Variants in ERBB4 observed in about 807,000 individuals in gnomAD.
ERBB4 encodes the protein receptor tyrosine-protein kinase erbB-4.
ERBB4 carries 42 observed loss-of-function variants against 158.0 expected under a neutral mutation model. The observed-to-expected ratio is 0.27, with a 90% CI of 0.21 to 0.34. The LOEUF (loss-of-function observed/expected upper bound fraction) is 0.34. Ranked by LOEUF, ERBB4 falls within the 10% of genes least tolerant of loss-of-function variation. The probability of loss-of-function intolerance (pLI) is 1.00; values close to 1 mark genes in which losing one functional copy is unlikely to be tolerated. For synonymous variants in ERBB4, 583 were observed against 558.7 expected (o/e 1.04, Z -0.61); for missense variants, 1,333 against 1,624.1 (o/e 0.82, Z 3.08).
chr2:211,394,163 C>CTGCT (rs1187564708), intron 25 of ERBB4, among the ~76,000 whole-genome samples: 1 of 151,680 alleles, frequency 6.6e-6, no homozygotes, highest in Non-Finnish European at 1.5e-5. Context: ...CTTTAAGTTG[C>CTGCT]TGCTTTGAGC....
At chr2:212,183,310 T>A (rs987118630) in intron 1 of ERBB4, among the ~76,000 whole-genome samples, 1 of 152,120 alleles carries the variant, frequency 6.6e-6, no homozygotes, top group African/African-American at 2.4e-5. Context: ...ATGGATTTTA[T>A]ATGCTAATGC....
At chr2:211,760,568 A>G (rs2075384848) in intron 4 of ERBB4, among the ~76,000 whole-genome samples, 1 of 152,252 alleles carries the variant, frequency 6.6e-6, no homozygotes, top group Admixed American at 6.5e-5. Context: ...GTAAGTATCA[A>G]CAGATATGTA....
rs376795225 is a variant in ERBB4, at chr2:212,115,118, T to C, written c.234+9634A>G. Among the ~76,000 whole-genome samples the C allele has an allele frequency of 1.1e-4, 17 of 152,300 alleles. No homozygotes were observed. The South Asian group carries it at 3.3e-3, about 30-fold the overall frequency. ...CCTTTGTTTACTAAAATACCTTAAT[T>C]TTACCACATTCATTATAAATTTTAC... is the stretch of plus-strand genomic sequence containing the variant. On this transcript the variant is annotated intron_variant, in intron 2 of 27. Coordinates refer to ENST00000342788, the MANE Select transcript of ERBB4 (RefSeq NM_005235.3).
chr2:212,067,411 T>A (rs1466972940), intron 2 of ERBB4, among the ~76,000 whole-genome samples: 3 of 151,994 alleles, frequency 2.0e-5, no homozygotes, highest in Non-Finnish European at 4.4e-5. Context: ...GTAGACTTAT[T>A]CACTGTTTTT....
intron 2 of ERBB4, among the ~76,000 whole-genome samples, chr2:212,062,803 T>C (rs943275683): frequency 6.6e-6 from 1 of 152,142 alleles, no homozygotes; most frequent in African/African-American, 2.4e-5. Context: ...GAAAAGGACA[T>C]AATGAACACA....
chr2:211,477,126 T>C (rs982876017), intron 20 of ERBB4, among the ~76,000 whole-genome samples: 39 of 152,002 alleles, frequency 2.6e-4, no homozygotes, highest in Admixed American at 2.2e-3. Flanking sequence ...ATTTAAGCAG[T>C]TAAAACATTA....
chr2:212,475,126 A>G (rs961596006), intron 1 of ERBB4, among the ~76,000 whole-genome samples: 18 of 151,932 alleles, frequency 1.2e-4, no homozygotes, highest in Admixed American at 1.2e-3. Flanking sequence ...ACAAATCTCA[A>G]TTCTTCTTTC....
At chr2:211,748,814 C>CT (rs1469451321) in intron 5 of ERBB4, among the ~76,000 whole-genome samples, 1 of 152,186 alleles carries the variant, frequency 6.6e-6, no homozygotes. Context: ...CTTTCACAGT[C>CT]TCTTTGGTTA....
intron 5 of ERBB4, among the ~76,000 whole-genome samples, chr2:211,732,166 G>T (rs1433284165): frequency 6.6e-6 from 1 of 151,994 alleles, no homozygotes; most frequent in South Asian, 2.1e-4. Flanking sequence ...AAACTAGAAC[G>T]CTCTTTCCTA....
intron 19 of ERBB4, among the ~76,000 whole-genome samples, chr2:211,606,858 A>G (rs1274785237): frequency 6.6e-6 from 1 of 152,142 alleles, no homozygotes; most frequent in Non-Finnish European, 1.5e-5. Flanking sequence ...CACTGGGTGC[A>G]TTGTTTTAAT....
At chr2:211,933,310 G>A (rs939068378) in intron 3 of ERBB4, among the ~76,000 whole-genome samples, 6 of 152,034 alleles carry the variant, frequency 3.9e-5, no homozygotes, top group African/African-American at 1.2e-4. Context: ...GACACAGGCT[G>A]CTTCCTTCCA....
intron 1 of ERBB4, among the ~76,000 whole-genome samples, chr2:212,374,745 C>T (rs370645683): frequency 6.6e-6 from 1 of 151,912 alleles, no homozygotes; most frequent in East Asian, 1.9e-4. Context: ...TTGTCCTCGG[C>T]TTTGGAAACT....
intron 1 of ERBB4, among the ~76,000 whole-genome samples, chr2:212,530,438 A>G (rs1692690748): frequency 6.6e-6 from 1 of 152,154 alleles, no homozygotes; most frequent in Non-Finnish European, 1.5e-5. Flanking sequence ...GCCTACAGAG[A>G]AGGACAGGAA....
chr2:211,977,693 C>T (rs1308545075), intron 2 of ERBB4, among the ~76,000 whole-genome samples: 2 of 151,146 alleles, frequency 1.3e-5, no homozygotes, highest in African/African-American at 4.9e-5. Context: ...AAAAAATTAG[C>T]TGGGCGTGGT....
At chr2:212,053,624 T>C (rs1265365587) in intron 2 of ERBB4, among the ~76,000 whole-genome samples, 1 of 152,182 alleles carries the variant, frequency 6.6e-6, no homozygotes, top group East Asian at 1.9e-4. Context: ...GTTCTTGGAA[T>C]AGAAACAGAC....
rs529897257 is a variant in ERBB4 at position 212,355,642 on chromosome 2, C to T, written c.82+182807G>A. On this transcript the variant is annotated intron_variant, in intron 1 of 27. Coordinates refer to ENST00000342788, the MANE Select transcript of ERBB4 (RefSeq NM_005235.3). The stretch of plus-strand genomic sequence containing the variant: ...CATTTTAAAACCTTGCATATCATTG[C>T]AATATGCTCATAAATAAACAGGTAG... Among the ~76,000 whole-genome samples the T allele has an allele frequency of 5.9e-5, 9 of 152,050 alleles. No homozygotes were observed. In the South Asian group the frequency reaches 1.7e-3, roughly 28 times the overall value.
At chr2:212,055,136 G>A (rs1233850825) in intron 2 of ERBB4, among the ~76,000 whole-genome samples, 1 of 152,162 alleles carries the variant, frequency 6.6e-6, no homozygotes, top group Non-Finnish European at 1.5e-5. Flanking sequence ...TTAGCAAATG[G>A]CACACCAGGT....
Position 211,632,525 on chromosome 2 carries a change from C to T in ERBB4, c.1947-1931G>A, listed in dbSNP as rs989013600. Among the ~76,000 whole-genome samples the T allele has an allele frequency of 4.6e-5, 7 of 151,914 alleles. No individual in the cohort carries two copies. The East Asian group carries it at 1.4e-3, about 29-fold the overall frequency. On this transcript the variant is annotated intron_variant, in intron 16 of 27. Coordinates refer to ENST00000342788, the MANE Select transcript of ERBB4 (RefSeq NM_005235.3). ...AAACTTTCTCTGCTTATTTATTTTG[C>T]AAAATAATAGGTGGTATACATATTT...
chr2:211,940,056 C>T (rs1273663602), intron 3 of ERBB4, among the ~76,000 whole-genome samples: 3 of 151,818 alleles, frequency 2.0e-5, no homozygotes, highest in Non-Finnish European at 4.4e-5. Context: ...CCTACTGTTT[C>T]CAGTCCTCTG....
Sources: allele counts gnomAD v4.1 joint callset (sites outside exome capture counted in the v4.1 genomes callset), GRCh38; gene constraint gnomAD v4.1.1; transcripts MANE v1.5; gene names NCBI Gene and HGNC (gene_info 2026-07-23, HGNC 2026-07-21).